Variants in TECRL observed in about 807,000 individuals in gnomAD.
TECRL encodes the protein trans-2,3-enoyl-CoA reductase like.
TECRL carries 63 observed loss-of-function variants against 52.8 expected under a neutral mutation model. That is an observed-to-expected ratio of 1.19 (90% CI 0.97 to 1.47). TECRL has a LOEUF of 1.47. TECRL is among the 40% of genes most tolerant of loss of function. TECRL has a pLI of 0.00. For synonymous variants in TECRL, 164 were observed against 141.9 expected (o/e 1.16, Z -1.10); for missense variants, 482 against 429.6 (o/e 1.12, Z -1.08).
At chr4:64,337,856 C>G (rs1251909129) in intron 2 of TECRL, among the ~76,000 whole-genome samples, 5 of 152,090 alleles carry the variant, frequency 3.3e-5, no homozygotes, top group African/African-American at 7.2e-5. Flanking sequence ...GCCATACTGC[C>G]CAAGGTCATT....
intron 2 of TECRL, among the ~76,000 whole-genome samples, chr4:64,374,567 C>T (rs1025101566): frequency 3.9e-5 from 6 of 151,948 alleles, no homozygotes; most frequent in African/African-American, 9.7e-5. Context: ...CCCGCTCCCC[C>T]CACCCCACCA....
chr4:64,390,872 C>A (rs903657762), intron 1 of TECRL, among the ~76,000 whole-genome samples: 1 of 151,500 alleles, frequency 6.6e-6, no homozygotes, highest in Non-Finnish European at 1.5e-5. Flanking sequence ...TAAAATATGA[C>A]AAATATGAAA....
At position 64,322,769 on chromosome 4, in the gene TECRL, T is replaced by A. The variant is rs749746855; in HGVS notation, c.355A>T (p.Ile119Phe). 2 of 1,607,070 alleles carry A rather than the reference T, an allele frequency of 1.2e-6. No homozygotes were observed. The highest frequency in any genetic ancestry group is 2.2e-5 in the East Asian group (1 of 44,652). ...ECGGPFLKDY[I>F]TIQSIAASSI... The stretch of plus-strand genomic sequence containing the variant: ...GAAGCTGCAATACTTTGAATGGTAA[T>A]GTAGTCCTTCAAAAAAGGCCCGCCT... Residue 119 changes from isoleucine (I) to phenylalanine (F), a missense_variant, in exon 4 of 12, where the codon ATT (isoleucine) becomes TTT (phenylalanine). Transcript: ENST00000381210.
chr4:64,310,287 T>G (rs1471442383), intron 5 of TECRL, among the ~76,000 whole-genome samples: 1 of 152,210 alleles, frequency 6.6e-6, no homozygotes, highest in Non-Finnish European at 1.5e-5. Context: ...ATTTACAAGT[T>G]TTAAAAATAT....
At chr4:64,392,539 A>G (rs1224818606) in intron 1 of TECRL, among the ~76,000 whole-genome samples, 1 of 151,864 alleles carries the variant, frequency 6.6e-6, no homozygotes, top group Non-Finnish European at 1.5e-5. Context: ...CCTAGAGCCC[A>G]TTACCTATCC....
chr4:64,327,583 G>C (rs147400570), intron 3 of TECRL, among the ~76,000 whole-genome samples: 8 of 152,148 alleles, frequency 5.3e-5, no homozygotes, highest in African/African-American at 1.4e-4. Context: ...AATTTGTCTT[G>C]AACATTTGAG....
rs542518860 is a variant in TECRL, at chr4:64,392,038, C to A, written c.235-16815G>T. On this transcript the variant is annotated intron_variant, in intron 1 of 11. Coordinates refer to ENST00000381210, the MANE Select transcript of TECRL (RefSeq NM_001010874.5). ...AGTCCATGCTTATTTTCTACACATA[C>A]TGCATATATATCACAGATTAACTGG... Among the ~76,000 whole-genome samples the A allele has an allele frequency of 5.3e-4, 81 of 152,026 alleles. 1 individual carries two copies. The highest frequency in any genetic ancestry group is 1.0e-3 in the South Asian group (5 of 4,826).
chr4:64,389,381 T>C (rs1173987051), intron 1 of TECRL, among the ~76,000 whole-genome samples: 1 of 151,922 alleles, frequency 6.6e-6, no homozygotes, highest in Non-Finnish European at 1.5e-5. Context: ...AATTGTGTGA[T>C]TTTCTTTACT....
At chr4:64,339,117 G>A (rs1189352833) in intron 2 of TECRL, among the ~76,000 whole-genome samples, 4 of 152,044 alleles carry the variant, frequency 2.6e-5, no homozygotes, top group Middle Eastern at 3.4e-3. Flanking sequence ...AAAATGATGA[G>A]TTCATGTCCT....
chr4:64,289,582 G>GA (rs1351557214), intron 9 of TECRL, 128 bp downstream of exon 9: 4 of 719,446 alleles, frequency 5.6e-6, no homozygotes, highest in East Asian at 3.3e-5. Flanking sequence ...ACATAAAAGG[G>GA]AAAAAATGTG....
At chr4:64,319,116 C>T (rs1290870871) in intron 4 of TECRL, among the ~76,000 whole-genome samples, 1 of 151,758 alleles carries the variant, frequency 6.6e-6, no homozygotes, top group East Asian at 1.9e-4. Context: ...ACTCTGTAAT[C>T]TCTTTGGTAA....
chr4:64,306,376 A>C (rs1320840713), intron 6 of TECRL, among the ~76,000 whole-genome samples: 1 of 152,078 alleles, frequency 6.6e-6, no homozygotes, highest in Admixed American at 6.6e-5. Flanking sequence ...GGCTGAGGCT[A>C]GATCTTGGTG....
At chr4:64,319,052 C>T (rs1717705212) in intron 4 of TECRL, among the ~76,000 whole-genome samples, 1 of 151,534 alleles carries the variant, frequency 6.6e-6, no homozygotes, top group Non-Finnish European at 1.5e-5. Context: ...ATATTTTTAC[C>T]TTAGTAAAAT....
At chr4:64,363,950 C>T (rs534608167) in intron 2 of TECRL, among the ~76,000 whole-genome samples, 4 of 152,102 alleles carry the variant, frequency 2.6e-5, no homozygotes, top group African/African-American at 9.6e-5. Context: ...TACTGCACCC[C>T]TAAAAATATA....
At chr4:64,318,359 T>C (rs1035474551) in intron 4 of TECRL, among the ~76,000 whole-genome samples, 3 of 152,018 alleles carry the variant, frequency 2.0e-5, no homozygotes, top group Non-Finnish European at 4.4e-5. Context: ...AAGAAAAATA[T>C]TGAAATGTAA....
intron 2 of TECRL, among the ~76,000 whole-genome samples, chr4:64,370,208 A>G (rs1046805470): frequency 1.3e-5 from 2 of 151,942 alleles, no homozygotes; most frequent in Non-Finnish European, 2.9e-5. Context: ...ACATTGGTAG[A>G]AAATAAGAAA....
intron 10 of TECRL, 65 bp from the exon 11 acceptor site, chr4:64,281,151 C>T (rs1355979040): frequency 3.1e-6 from 4 of 1,277,962 alleles, no homozygotes; most frequent in Middle Eastern, 2.1e-4. Flanking sequence ...TCATTTGTGG[C>T]TTTAACAGGT....
At chr4:64,403,720 G>A (rs10866147) in intron 1 of TECRL, among the ~76,000 whole-genome samples, 147,022 of 151,664 alleles carry the variant, frequency 0.97, 71,394 homozygotes, top group East Asian at 1. Flanking sequence ...CAACTCCCAT[G>A]TGCTTTTGAT....
chr4:64,293,082 T>C (rs1405132119), intron 8 of TECRL, among the ~76,000 whole-genome samples: 1 of 152,134 alleles, frequency 6.6e-6, no homozygotes, highest in Non-Finnish European at 1.5e-5. Flanking sequence ...ATTTGAATAA[T>C]AGCAGAATGT....
Sources: gnomAD v4.1 joint callset for allele counts (sites outside exome capture counted in the v4.1 genomes callset) on GRCh38, gnomAD v4.1.1 for gene constraint, MANE v1.5 for transcripts, NCBI Gene and HGNC (gene_info 2026-07-23, HGNC 2026-07-21) for gene names.